ARPP21: variants seen among roughly 807,000 people sequenced by gnomAD.
ARPP21 encodes cAMP regulated phosphoprotein 21.
Under a neutral mutation model 113.2 loss-of-function variants are expected in ARPP21, and 69 were observed. The observed-to-expected ratio is 0.61, with a 90% CI of 0.50 to 0.74. The LOEUF (loss-of-function observed/expected upper bound fraction) is 0.74, where lower values mean the gene tolerates loss of function less well. ARPP21 is among the 30% of genes least tolerant of loss of function. ARPP21 has a pLI of 0.00. For synonymous variants in ARPP21, 368 were observed against 375.5 expected (o/e 0.98, Z 0.23); for missense variants, 1,070 against 1,037.4 (o/e 1.03, Z -0.43).
At chr3:35,648,083 T>C (rs148624501) in intron 1 of ARPP21, among the ~76,000 whole-genome samples, 3 of 152,300 alleles carry the variant, frequency 2.0e-5, no homozygotes, top group African/African-American at 4.8e-5. Flanking sequence ...CCATAATGTT[T>C]CTGATGGTTA....
intron 18 of ARPP21, among the ~76,000 whole-genome samples, chr3:35,740,248 C>T (rs746948072): frequency 6.6e-6 from 1 of 152,176 alleles, no homozygotes; most frequent in Non-Finnish European, 1.5e-5. Flanking sequence ...CTCTGGTACT[C>T]TCTTGGGTAT....
At chr3:35,680,794 CTTCT>C (rs2078670159) in intron 2 of ARPP21, 1 of 135,920 alleles carries the variant, frequency 7.4e-6, no homozygotes, top group South Asian at 2.6e-4. Flanking sequence ...CCTTCTCTTT[CTTCT>C]TTTTTTTTCT....
chr3:35,761,786 T>C (rs1213920536), intron 19 of ARPP21, among the ~76,000 whole-genome samples: 1 of 152,078 alleles, frequency 6.6e-6, no homozygotes, highest in African/African-American at 2.4e-5. Context: ...AGAGCTTATG[T>C]CATAAGTTTT....
intron 15 of ARPP21, among the ~76,000 whole-genome samples, chr3:35,734,532 C>T (rs1274822632): frequency 2.0e-5 from 3 of 152,144 alleles, no homozygotes; most frequent in African/African-American, 7.2e-5. Context: ...ACATTTGCTT[C>T]CCCATCACAG....
chr3:35,687,985 T>C, intron 6 of ARPP21, 102 bp downstream of exon 6: 1 of 1,088,164 alleles, frequency 9.2e-7, no homozygotes, highest in Non-Finnish European at 1.3e-6. Context: ...CACCAAACCC[T>C]GCATATGATT....
In ARPP21 at chr3:35,659,485, T is replaced by A. The variant is rs753013527; in HGVS notation, c.-213+19087T>A. On this transcript the variant is annotated intron_variant, in intron 1 of 20. Transcript: ENST00000684406. The stretch of plus-strand genomic sequence containing the variant: ...AACATGCATTCATTTCCTATTGTAT[T>A]CTAGACATCTTGGCGGGTCCTAGAG... 2.8e-4 allele frequency among the ~76,000 whole-genome samples: 43 copies of A among 152,180 alleles called. 1 individual carries two copies. The highest frequency in any genetic ancestry group is 1.5e-4 in the Non-Finnish European group (10 of 68,038).
At chr3:35,688,174 C>A (rs1238789169) in intron 6 of ARPP21, among the ~76,000 whole-genome samples, 1 of 151,442 alleles carries the variant, frequency 6.6e-6, no homozygotes, top group Non-Finnish European at 1.5e-5. Context: ...TATAAATCTG[C>A]CCTAAATTTA....
At chr3:35,722,846 T>G (rs1464432643) in intron 14 of ARPP21, among the ~76,000 whole-genome samples, 1 of 152,244 alleles carries the variant, frequency 6.6e-6, no homozygotes, top group African/African-American at 2.4e-5. Flanking sequence ...TATTCACTAT[T>G]GTTTTTGATT....
At chr3:35,667,180 C>A (rs770793829) in intron 1 of ARPP21, among the ~76,000 whole-genome samples, 3 of 152,150 alleles carry the variant, frequency 2.0e-5, no homozygotes, top group Non-Finnish European at 4.4e-5. Context: ...TACTGTCAGG[C>A]ACAGAGTGAG....
At chr3:35,703,308 C>T (rs1299737852) in intron 9 of ARPP21, among the ~76,000 whole-genome samples, 3 of 151,824 alleles carry the variant, frequency 2.0e-5, no homozygotes, top group Non-Finnish European at 4.4e-5. Context: ...GACTGAATGA[C>T]TAGAACACAA....
At chr3:35,647,530 T>C (rs1461689136) in intron 1 of ARPP21, among the ~76,000 whole-genome samples, 1 of 152,102 alleles carries the variant, frequency 6.6e-6, no homozygotes, top group Admixed American at 6.6e-5. Context: ...CGCATGGCCC[T>C]CCACGAGATT....
chr3:35,791,688 T>C (rs2096750751), intron 19 of ARPP21, among the ~76,000 whole-genome samples: 1 of 152,182 alleles, frequency 6.6e-6, no homozygotes, highest in African/African-American at 2.4e-5. Flanking sequence ...TTTTTGAATA[T>C]TGTATTCTTT....
intron 19 of ARPP21, among the ~76,000 whole-genome samples, chr3:35,746,589 T>G (rs2095070017): frequency 6.6e-6 from 1 of 152,226 alleles, no homozygotes; most frequent in Non-Finnish European, 1.5e-5. Flanking sequence ...CTCCTGCAGC[T>G]GTGTGTCTTG....
At chr3:35,686,961 A>C (rs1207770562) in intron 5 of ARPP21, among the ~76,000 whole-genome samples, 3 of 151,470 alleles carry the variant, frequency 2.0e-5, no homozygotes, top group Non-Finnish European at 3.0e-5. Context: ...GTAAATGGCC[A>C]ATCTTAAATC....
chr3:35,755,525 T>C lies in ARPP21; in HGVS notation c.2137+11560T>C, dbSNP rs371923362. 2.1e-3 allele frequency among the ~76,000 whole-genome samples: 326 copies of C among 152,230 alleles called. 1 individual carries two copies. The highest frequency in any genetic ancestry group is 6.8e-3 in the Middle Eastern group (2 of 294). On this transcript the variant is annotated intron_variant, in intron 19 of 20. Transcript: ENST00000684406. The stretch of plus-strand genomic sequence containing the variant: ...TCTTTTTCTTTCTATTCTGCACATG[T>C]CTCTCCATTATGAGATAGGACACTT...
At chr3:35,748,175 A>AAAG (rs2095242758) in intron 19 of ARPP21, among the ~76,000 whole-genome samples, 1 of 132,174 alleles carries the variant, frequency 7.6e-6, no homozygotes. Flanking sequence ...AACAGAAAAG[A>AAAG]AAAGAAAGAA....
intron 19 of ARPP21, among the ~76,000 whole-genome samples, chr3:35,771,897 G>A (rs971691160): frequency 5.9e-5 from 9 of 152,114 alleles, no homozygotes; most frequent in African/African-American, 2.2e-4. Context: ...CAGATCAAGA[G>A]TTTTATTTTG....
At chr3:35,756,904 T>C (rs1317868952) in intron 19 of ARPP21, among the ~76,000 whole-genome samples, 2 of 152,142 alleles carry the variant, frequency 1.3e-5, no homozygotes, top group East Asian at 3.9e-4. Flanking sequence ...CAGTAAAATC[T>C]GTCAAGCTAG....
intron 19 of ARPP21, among the ~76,000 whole-genome samples, chr3:35,782,369 T>A (rs939647431): frequency 6.6e-6 from 1 of 152,204 alleles, no homozygotes; most frequent in East Asian, 1.9e-4. Flanking sequence ...ACAACACTAA[T>A]CATGTTCATA....
Sources: gnomAD v4.1 joint callset for allele counts (sites outside exome capture counted in the v4.1 genomes callset) on GRCh38, gnomAD v4.1.1 for gene constraint, MANE v1.5 for transcripts, NCBI Gene and HGNC (gene_info 2026-07-23, HGNC 2026-07-21) for gene names.